The following LRRC32 variants were observed in gnomAD, a reference collection of about 807,000 sequenced individuals.
LRRC32 encodes transforming growth factor beta activator LRRC32.
In LRRC32, 5 loss-of-function variants were observed where a neutral mutation model predicts 15.0. The observed-to-expected ratio is 0.33, with a 90% CI of 0.17 to 0.70. LRRC32 has a LOEUF of 0.70. Ranked by LOEUF, LRRC32 falls within the 30% of genes least tolerant of loss-of-function variation. The probability of loss-of-function intolerance (pLI) is 0.66; values close to 1 mark genes in which losing one functional copy is unlikely to be tolerated. For synonymous variants in LRRC32, 391 were observed against 403.9 expected, an observed-to-expected ratio of 0.97 and a Z score of 0.38; for missense variants, 803 against 854.2, an observed-to-expected ratio of 0.94 and a Z score of 0.75.
Position 76,660,413 on chromosome 11 carries a change from G to A in LRRC32, c.1180C>T (p.Gln394Ter), listed in dbSNP as rs898516037. 1.2e-6 allele frequency: 2 copies of A among 1,613,668 alleles called. No homozygotes were observed. The highest frequency in any genetic ancestry group is 4.5e-5 in the East Asian group (2 of 44,844). The stretch of plus-strand genomic sequence containing the variant: ...GGCAGGTCCCGCAGGGCATTGCCCT[G>A]TAGGAGCAGCGTCCGCAGAGACCCC... ...ALGSLRTLLL[Q>*]GNALRDLPPY... The change falls in exon 3 of 3, where the codon CAG becomes TAG. Residue 394 changes from glutamine to a stop codon, truncating the protein, a stop_gained. Coordinates refer to ENST00000260061, the MANE Select transcript of LRRC32 (RefSeq NM_001128922.2). LOFTEE classifies it low-confidence loss of function (END_TRUNC).
Position 76,659,273 on chromosome 11 carries a change from G to A in LRRC32, c.*331C>T, listed in dbSNP as rs11236840. 6,889 of 280,962 alleles carry A rather than the reference G, an allele frequency of 0.025. 358 individuals carry two copies. The highest frequency in any genetic ancestry group is 0.11 in the African/African-American group (5,261 of 45,962). 17.4% of individuals were successfully genotyped at this position (280,962 alleles called of 1,614,324 possible). A position where few individuals can be genotyped will look rare whatever the true frequency, so the allele number is the denominator to read the frequency against. ...ACCAGACTGGGAGATTCTTGAGGGC[G>A]GGAATGTATCTCATTTCCCAGCATT... On this transcript the variant is annotated 3_prime_UTR_variant, in exon 3 of 3. Transcript: ENST00000260061.
chr11:76,660,514 C>A lies in LRRC32; in HGVS notation c.1079G>T (p.Gly360Val), dbSNP rs1304498996. The A allele has an allele frequency of 6.2e-7, 1 of 1,613,994 alleles. No individual in the cohort carries two copies. Among genetic ancestry groups the A allele is most frequent in the Non-Finnish European group, 8.5e-7 (1 of 1,180,014 alleles). Residue 360 changes from glycine to valine, a missense_variant, in exon 3 of 3, where the codon GGC (glycine) becomes GTC (valine). Gly to Val is a moderately radical substitution (Grantham distance 109, BLOSUM62 -3). Coordinates refer to ENST00000260061, the MANE Select transcript of LRRC32 (RefSeq NM_001128922.2). Reference protein sequence around the residue: ...CLRTFEARRLGSLPCLMLLDL... With the variant: ...CLRTFEARRLVSLPCLMLLDL... ...AAGGAGCATCAGGCAGGGCAGGGAG[C>A]CTAAGCGCCGGGCCTCAAAGGTCCG...
At position 76,658,244 on chromosome 11, in the gene LRRC32, C is replaced by T. The variant is rs1952446888; in HGVS notation, c.*1360G>A. The stretch of plus-strand genomic sequence containing the variant: ...CATTCTCTTCCTAAGCCTCAGTTTC[C>T]CCATCTGTGCAATGGGGAGGTTGGA... On this transcript the variant is annotated 3_prime_UTR_variant, in exon 3 of 3. Transcript: ENST00000260061. The T allele has an allele frequency of 6.6e-6, 1 of 152,364 alleles. No individual in the cohort carries two copies. Among genetic ancestry groups the T allele is most frequent in the South Asian group, 2.1e-4 (1 of 4,828 alleles). The allele number at this position is 152,364 out of a possible 1,614,324, so 9.4% of individuals were successfully genotyped here.
chr11:76,661,589 C>G (rs899425731), intron 2 of LRRC32, 81 bp from the exon 3 acceptor site: 11 of 1,462,420 alleles, frequency 7.5e-6, no homozygotes, highest in South Asian at 1.4e-5. Context: ...ATCCAGGAAC[C>G]CTGCCTGGCT....
intron 2 of LRRC32, chr11:76,663,040 CCT>C (rs1259703291): frequency 2.6e-5 from 4 of 152,298 alleles, no homozygotes; most frequent in African/African-American, 9.6e-5. Flanking sequence ...ACCAGGGAGC[CCT>C]CCCTGACTGT....
At chr11:76,665,745 A>G (rs1952615018) in intron 2 of LRRC32, 126 bp downstream of exon 2, 2 of 1,391,808 alleles carry the variant, frequency 1.4e-6, no homozygotes, top group Non-Finnish European at 2.0e-6. Flanking sequence ...TGCTCATTAA[A>G]TGCAAGGTAC....
rs199914791 is a variant in LRRC32 at position 76,660,195 on chromosome 11, G to A, written c.1398C>T (p.Thr466=). The change falls in exon 3 of 3, where the codon ACC becomes ACT. Residue 466 remains threonine (T), a synonymous_variant. Transcript: ENST00000260061. The stretch of plus-strand genomic sequence containing the variant: ...AAGAAAGGTCCAGCTCAGTCAGTGG[G>A]GTGTGGAGGAAGGCCCCTGCCCTGA... ...ELLRAGAFLH[T]PLTELDLSSN... is the part of the protein sequence containing the mutation. 3.2e-6 allele frequency: 5 copies of A among 1,584,922 alleles called. No homozygotes were observed. In the African/African-American group the frequency reaches 6.8e-5, roughly 21 times the overall value.
intron 2 of LRRC32, 60 bp from the exon 3 acceptor site, chr11:76,661,568 C>A (rs1175267723): frequency 2.0e-6 from 3 of 1,489,962 alleles, no homozygotes. Context: ...GGGATGAAAC[C>A]AGACATGTTT....
rs552037826 is a variant in LRRC32, at chr11:76,660,931, C to G, written c.662G>C (p.Arg221Pro). Residue 221 changes from arginine to proline, a missense_variant, in exon 3 of 3, where the codon CGG (arginine) becomes CCG (proline). Physicochemically the swap from Arg to Pro is moderately radical, Grantham distance 103. Transcript: ENST00000260061. The stretch of plus-strand genomic sequence containing the variant: ...GCTGTTGCAGCTCAGGTCTAGCACC[C>G]GCAGCTGCTGGAGGCTGAAGTCGGA... ...CISDFSLQQL[R>P]VLDLSCNSIE... The G allele has an allele frequency of 1.2e-6, 2 of 1,614,146 alleles. No homozygotes were observed. The highest frequency in any genetic ancestry group is 8.5e-7 in the Non-Finnish European group (1 of 1,180,046).
rs921614147 is a variant in LRRC32 at position 76,658,202 on chromosome 11, A to G, written c.*1402T>C. On this transcript the variant is annotated 3_prime_UTR_variant, in exon 3 of 3. Transcript: ENST00000260061. ...CTTTTTTCCCCCAGAGGCTCTGTAT[A>G]AGCTCTCCACAAGTTTCATTCTCTT... 1 of 152,436 alleles carries G rather than the reference A, an allele frequency of 6.6e-6. No homozygotes were observed. Among genetic ancestry groups the G allele is most frequent in the Non-Finnish European group, 1.5e-5 (1 of 68,132 alleles). 9.4% of individuals were successfully genotyped at this position (152,436 alleles called of 1,614,324 possible).
At position 76,663,238 on chromosome 11, in the gene LRRC32, A is replaced by T. The variant is rs570795949; in HGVS notation, c.85-1730T>A. ...AGTTTAGTAAAGGTCTGAGGCACTGAATCAATCACTTCTCTAGGAGGAAAG... is the reference window on the plus strand; with the variant it reads ...AGTTTAGTAAAGGTCTGAGGCACTGTATCAATCACTTCTCTAGGAGGAAAG... On this transcript the variant is annotated intron_variant, in intron 2 of 2. Coordinates refer to ENST00000260061, the MANE Select transcript of LRRC32 (RefSeq NM_001128922.2). The T allele has an allele frequency of 3.9e-5, 6 of 152,374 alleles. No individual in the cohort carries two copies. The South Asian group carries it at 1.2e-3, about 32-fold the overall frequency. The allele number at this position is 152,374 out of a possible 1,614,324, so 9.4% of individuals were successfully genotyped here. A position where few individuals can be genotyped will look rare whatever the true frequency, so the allele number is the denominator to read the frequency against.
Position 76,661,275 on chromosome 11 carries a change from G to T in LRRC32, c.318C>A (p.His106Gln), listed in dbSNP as rs926625980. 1.2e-6 allele frequency: 2 copies of T among 1,614,150 alleles called. No homozygotes were observed. The highest frequency in any genetic ancestry group is 8.5e-7 in the Non-Finnish European group (1 of 1,180,010). ...LTHLEHLSLA[H>Q]NRLAMATALS... ...GCGCAGTGGCCATCGCCAGCCGGTT[G>T]TGAGCCAGGCTGAGGTGCTCCAGGT... The change falls in exon 3 of 3, where the codon CAC (histidine) becomes CAA (glutamine). Residue 106 changes from histidine (H) to glutamine (Q), a missense_variant. Transcript: ENST00000260061.
chr11:76,667,404 G>A (rs924753552), intron 1 of LRRC32, among the ~76,000 whole-genome samples: 10 of 152,222 alleles, frequency 6.6e-5, no homozygotes, highest in Non-Finnish European at 1.0e-4. Context: ...GAAGGATGCT[G>A]CAGGAGAAAA....
In LRRC32 at chr11:76,660,730, T is replaced by C; in HGVS notation, c.863A>G (p.Lys288Arg). The C allele has an allele frequency of 6.2e-7, 1 of 1,614,016 alleles. No homozygotes were observed. The highest frequency in any genetic ancestry group is 2.2e-5 in the East Asian group (1 of 44,852). ...GCCCTCGGAAGGTGCGTGGATGCCC[T>C]TGCTGTCCTGGGGTGGCCCTGTGGG... ...RLPTGPPQDS[K>R]GIHAPSEGWS... is the part of the protein sequence containing the mutation. The change falls in exon 3 of 3, where the codon AAG becomes AGG. Residue 288 changes from lysine (K) to arginine (R), a missense_variant. Physicochemically the swap from Lys to Arg is conservative, Grantham distance 26. Transcript: ENST00000260061.
intron 1 of LRRC32, among the ~76,000 whole-genome samples, chr11:76,669,193 C>T (rs1403737753): frequency 6.6e-6 from 1 of 152,198 alleles, no homozygotes. Flanking sequence ...CCTCACTGTC[C>T]TTCCCAGCTG....
intron 1 of LRRC32, among the ~76,000 whole-genome samples, chr11:76,666,683 C>T (rs907295863): frequency 2.0e-5 from 3 of 152,174 alleles, no homozygotes; most frequent in African/African-American, 4.8e-5. Flanking sequence ...AGGGGTGGGG[C>T]TAAGGGGACC....
intron 1 of LRRC32, among the ~76,000 whole-genome samples, chr11:76,668,525 T>G (rs530441406): frequency 6.6e-6 from 1 of 152,212 alleles, no homozygotes; most frequent in Non-Finnish European, 1.5e-5. Flanking sequence ...CTGCTGTTCC[T>G]TCAACACAGC....
Position 76,660,692 on chromosome 11 carries a change from G to C in LRRC32, c.901C>G (p.Pro301Ala). Reference sequence around the variant, plus strand: ...GCATTCCCGCTGGGGGCTGAGAGGGGCAGGGCTGACCAGCCCTCGGAAGGT... The same window carrying C: ...GCATTCCCGCTGGGGGCTGAGAGGGCCAGGGCTGACCAGCCCTCGGAAGGT... ...HAPSEGWSAL[P>A]LSAPSGNASG... The change falls in exon 3 of 3, where the codon CCC (proline) becomes GCC (alanine). Residue 301 changes from proline (P) to alanine (A), a missense_variant. Transcript: ENST00000260061. 6.2e-7 allele frequency: 1 copy of C among 1,613,994 alleles called. No homozygotes were observed. Among genetic ancestry groups the C allele is most frequent in the Non-Finnish European group, 8.5e-7 (1 of 1,180,016 alleles).
rs1191791640 is a variant in LRRC32 at position 76,660,735 on chromosome 11, G to A, written c.858C>T (p.Asp286=). The change falls in exon 3 of 3, where the codon GAC becomes GAT. Residue 286 remains aspartate (D), a synonymous_variant. Coordinates refer to ENST00000260061, the MANE Select transcript of LRRC32 (RefSeq NM_001128922.2). ...CGGAAGGTGCGTGGATGCCCTTGCTGTCCTGGGGTGGCCCTGTGGGGAGCC... is the reference window on the plus strand; with the variant it reads ...CGGAAGGTGCGTGGATGCCCTTGCTATCCTGGGGTGGCCCTGTGGGGAGCC... ...LIRLPTGPPQ[D]SKGIHAPSEG... 1.2e-6 allele frequency: 2 copies of A among 1,614,148 alleles called. No individual in the cohort carries two copies. Among genetic ancestry groups the A allele is most frequent in the Admixed American group, 3.3e-5 (2 of 60,030 alleles).
Sources: allele counts gnomAD v4.1 joint callset (sites outside exome capture counted in the v4.1 genomes callset), GRCh38; gene constraint gnomAD v4.1.1; transcripts MANE v1.5; gene names NCBI Gene and HGNC (gene_info 2026-07-23, HGNC 2026-07-21).